Variants in GPBP1 observed in about 807,000 individuals in gnomAD.
GPBP1 encodes the protein vasculin.
A neutral mutation model predicts 56.5 loss-of-function variants in GPBP1; 13 were observed. The observed-to-expected ratio is 0.23, with a 90% confidence interval of 0.15 to 0.37. The LOEUF is 0.37. GPBP1 is among the 10% of genes least tolerant of loss of function. GPBP1 has a pLI of 1.00. For synonymous variants in GPBP1, 204 were observed against 188.9 expected, an observed-to-expected ratio of 1.08 and a Z score of -0.66; for missense variants, 477 against 572.3, an observed-to-expected ratio of 0.83 and a Z score of 1.70.
chr5:57,246,604 A>G (rs1043464839), intron 7 of GPBP1, 120 bp downstream of exon 7: 12 of 702,492 alleles, frequency 1.7e-5, no homozygotes, highest in Non-Finnish European at 2.5e-5. Flanking sequence ...GCTGAGTTCT[A>G]GGTGGCAAGA....
At chr5:57,181,825 C>A (rs1016719755) in intron 2 of GPBP1, among the ~76,000 whole-genome samples, 4 of 152,148 alleles carry the variant, frequency 2.6e-5, no homozygotes, top group Non-Finnish European at 4.4e-5. Context: ...TGTTGAAAAA[C>A]AAAATGTTAG....
chr5:57,217,025 A>G (rs1353737080), intron 3 of GPBP1, among the ~76,000 whole-genome samples: 1 of 152,224 alleles, frequency 6.6e-6, no homozygotes, highest in South Asian at 2.1e-4. Context: ...ACATTTACAG[A>G]CATTCAAGGA....
At chr5:57,196,884 C>T (rs113209469) in intron 2 of GPBP1, among the ~76,000 whole-genome samples, 2 of 152,054 alleles carry the variant, frequency 1.3e-5, no homozygotes, top group African/African-American at 2.4e-5. Flanking sequence ...TGGGTTCATG[C>T]GATTCTCCCG....
chr5:57,217,401 C>T (rs1393452109), intron 3 of GPBP1, among the ~76,000 whole-genome samples: 2 of 151,874 alleles, frequency 1.3e-5, no homozygotes, highest in African/African-American at 2.4e-5. Context: ...GGAGAAACCC[C>T]GTCTCTACTA....
chr5:57,177,640 A>C (rs1022150865), intron 2 of GPBP1, among the ~76,000 whole-genome samples: 6 of 118,492 alleles, frequency 5.1e-5, no homozygotes, highest in Non-Finnish European at 1.0e-4. Context: ...CGCTCGGCCA[A>C]TTTTTGCCTT....
chr5:57,246,575 T>C, intron 7 of GPBP1, 91 bp downstream of exon 7: 1 of 1,057,058 alleles, frequency 9.5e-7, no homozygotes, highest in South Asian at 1.7e-5. Context: ...AAAGTGTGTA[T>C]GGAGGTACTT....
intron 6 of GPBP1, among the ~76,000 whole-genome samples, chr5:57,241,781 A>G (rs550444846): frequency 6.6e-6 from 1 of 152,368 alleles, no homozygotes; most frequent in Non-Finnish European, 1.5e-5. Flanking sequence ...AAGGTCTGTC[A>G]TCAATATATA....
chr5:57,247,714 G>T (rs1741159932), intron 8 of GPBP1, among the ~76,000 whole-genome samples: 1 of 151,924 alleles, frequency 6.6e-6, no homozygotes, highest in Admixed American at 6.5e-5. Context: ...GGATGGGGGG[G>T]AATTCCAAAC....
intron 2 of GPBP1, among the ~76,000 whole-genome samples, chr5:57,194,651 C>CT (rs1212928518): frequency 6.6e-6 from 1 of 152,104 alleles, no homozygotes; most frequent in Non-Finnish European, 1.5e-5. Flanking sequence ...ACCTCCCGCT[C>CT]TTTATCTCCC....
At chr5:57,255,006 T>A (rs1457011930) in intron 10 of GPBP1, among the ~76,000 whole-genome samples, 1 of 152,214 alleles carries the variant, frequency 6.6e-6, no homozygotes. Flanking sequence ...AGAAAAAATT[T>A]AGCAAACATG....
chr5:57,246,140 G>A, intron 6 of GPBP1, 160 bp from the exon 7 acceptor site: 2 of 523,812 alleles, frequency 3.8e-6, no homozygotes, highest in South Asian at 3.3e-5. Flanking sequence ...TTGTTCAATT[G>A]GAATATAGTT....
At chr5:57,209,053 T>A (rs1032899448) in intron 2 of GPBP1, among the ~76,000 whole-genome samples, 2 of 152,192 alleles carry the variant, frequency 1.3e-5, no homozygotes, top group Non-Finnish European at 2.9e-5. Flanking sequence ...TATATTTATT[T>A]ATTATAGGTA....
intron 2 of GPBP1, among the ~76,000 whole-genome samples, chr5:57,207,063 C>CA (rs1012147700): frequency 5.3e-5 from 8 of 152,076 alleles, no homozygotes; most frequent in Admixed American, 5.2e-4. Context: ...ATGGTAGTGC[C>CA]ACTGTACTCC....
intron 6 of GPBP1, among the ~76,000 whole-genome samples, chr5:57,240,659 C>A (rs1167991666): frequency 6.6e-6 from 1 of 151,992 alleles, no homozygotes; most frequent in Non-Finnish European, 1.5e-5. Flanking sequence ...GTGAGGATGA[C>A]CACAAAAATT....
At chr5:57,176,897 C>T (rs190000760) in intron 2 of GPBP1, among the ~76,000 whole-genome samples, 2 of 152,116 alleles carry the variant, frequency 1.3e-5, no homozygotes, top group African/African-American at 4.8e-5. Context: ...GGTAGTAGTT[C>T]TTAATGTATT....
intron 10 of GPBP1, among the ~76,000 whole-genome samples, chr5:57,254,234 C>G (rs537356971): frequency 6.6e-6 from 1 of 152,210 alleles, no homozygotes; most frequent in African/African-American, 2.4e-5. Flanking sequence ...CCACGCCCCT[C>G]GCTTTTTTTC....
At chr5:57,210,452 A>G (rs1755427459) in intron 2 of GPBP1, among the ~76,000 whole-genome samples, 1 of 152,182 alleles carries the variant, frequency 6.6e-6, no homozygotes, top group Admixed American at 6.5e-5. Context: ...AAGCCAGTCA[A>G]ATTTAGTATT....
In GPBP1 at chr5:57,264,340, C is replaced by A. The variant is rs982043801; in HGVS notation, c.*1588C>A. The A allele has an allele frequency of 6.6e-6, 1 of 152,126 alleles. No individual in the cohort carries two copies. The allele number at this position is 152,126 out of a possible 1,614,324, so 9.4% of individuals were successfully genotyped here. A position where few individuals can be genotyped will look rare whatever the true frequency, so the allele number is the denominator to read the frequency against. On this transcript the variant is annotated 3_prime_UTR_variant, in exon 12 of 12. Coordinates refer to ENST00000506184, the MANE Select transcript of GPBP1 (RefSeq NM_022913.4). ...CAGGAGAATGTAAAGCATGCTTTGA[C>A]GAAGCTATCGGTAACACATATTGAA...
intron 1 of GPBP1, 44 bp from the exon 2 acceptor site, chr5:57,175,404 C>A (rs995903055): frequency 2.5e-5 from 10 of 397,870 alleles, no homozygotes; most frequent in South Asian, 1.3e-4. Flanking sequence ...TTTTTTAGCT[C>A]AAAATCAAAA....
Sources: gnomAD v4.1 joint callset for allele counts (sites outside exome capture counted in the v4.1 genomes callset) on GRCh38, gnomAD v4.1.1 for gene constraint, MANE v1.5 for transcripts, NCBI Gene and HGNC (gene_info 2026-07-23, HGNC 2026-07-21) for gene names.